Variants in ZNF560 observed in about 807,000 individuals in gnomAD.
ZNF560 encodes the protein zinc finger protein 560.
A neutral mutation model predicts 81.8 loss-of-function variants in ZNF560; 54 were observed. The ratio of observed to expected loss-of-function variants is 0.66; its 90% confidence interval spans 0.53 to 0.83. ZNF560 has a LOEUF of 0.83. Among genes scored for constraint, ZNF560 ranks in the 40% least tolerant of loss-of-function variants. The pLI is 0.00. For synonymous variants in ZNF560, 321 were observed against 317.9 expected (o/e 1.01, Z -0.10); for missense variants, 940 against 932.4 (o/e 1.01, Z -0.11).
the ZNF560 span, among the ~76,000 whole-genome samples, chr19:9,448,090 G>T: frequency 2.0e-5 from 3 of 152,120 alleles, no homozygotes; most frequent in African/African-American, 7.2e-5. Flanking sequence ...CTCAAACCAA[G>T]AATTTCAAAC....
chr19:9,487,468 C>T (rs1334716718), intron 2 of ZNF560, among the ~76,000 whole-genome samples: 1 of 152,160 alleles, frequency 6.6e-6, no homozygotes, highest in Admixed American at 6.5e-5. Context: ...CAGGATCCCT[C>T]CAACACACTC....
At chr19:9,497,141 C>G (rs1419824722) in intron 2 of ZNF560, among the ~76,000 whole-genome samples, 1 of 151,286 alleles carries the variant, frequency 6.6e-6, no homozygotes, top group Non-Finnish European at 1.5e-5. Flanking sequence ...AAAAAAAAAT[C>G]TTGAATAGAG....
chr19:9,500,138 T>A (rs937256909), upstream of ZNF560, among the ~76,000 whole-genome samples: 5 of 151,986 alleles, frequency 3.3e-5, no homozygotes, highest in Non-Finnish European at 7.4e-5. Context: ...AATCCCAACA[T>A]TTTGGGAGGC....
intron 2 of ZNF560, among the ~76,000 whole-genome samples, chr19:9,487,307 G>C (rs1222677426): frequency 6.6e-6 from 1 of 152,162 alleles, no homozygotes; most frequent in Admixed American, 6.5e-5. Flanking sequence ...ATTTCTAAAG[G>C]AATAAGCATT....
chr19:9,460,752 C>T, the ZNF560 span, among the ~76,000 whole-genome samples: 7 of 152,246 alleles, frequency 4.6e-5, no homozygotes, highest in East Asian at 7.7e-4. Flanking sequence ...TGAGGCATAC[C>T]GCCCTCAAAA....
upstream of ZNF560, among the ~76,000 whole-genome samples, chr19:9,500,259 C>A (rs2073621699): frequency 2.0e-5 from 3 of 151,890 alleles, no homozygotes; most frequent in Admixed American, 2.0e-4. Flanking sequence ...GTGGTTGGCA[C>A]CTGTAATCCC....
intron 2 of ZNF560, among the ~76,000 whole-genome samples, chr19:9,488,905 G>A (rs1013062552): frequency 1.1e-4 from 17 of 151,992 alleles, no homozygotes; most frequent in African/African-American, 2.9e-4. Flanking sequence ...CTCATGATCT[G>A]GTCATTTAAA....
the ZNF560 span, among the ~76,000 whole-genome samples, chr19:9,457,642 C>T: frequency 0.53 from 80,015 of 152,034 alleles, 21,384 homozygotes; most frequent in Non-Finnish European, 0.55. Flanking sequence ...GCTCCTGACG[C>T]AATTCAGACT....
chr19:9,471,505 T>G, intron 5 of ZNF560, 127 bp from the exon 6 acceptor site: 1 of 638,940 alleles, frequency 1.6e-6, no homozygotes, highest in Non-Finnish European at 2.3e-6. Flanking sequence ...GAAAGCTAAA[T>G]TGAACATTTA....
intron 2 of ZNF560, among the ~76,000 whole-genome samples, chr19:9,491,181 C>T (rs10420126): frequency 0.15 from 22,890 of 152,044 alleles, 2,589 homozygotes; most frequent in African/African-American, 0.31. Flanking sequence ...GGTGTGATCA[C>T]GGCTCACCAC....
rs945500246 is a variant in ZNF560, at chr19:9,474,248, G to A, written c.108C>T (p.Asn36=). ...TCTCCAGCATCACATCTCTGTATAA[G>A]TTTCTCTGAACTGGGTCCAGTAAAA... ...EWILLDPVQR[N]LYRDVMLENY... Residue 36 remains asparagine (N), a synonymous_variant, in exon 4 of 10, where the codon AAC becomes AAT. Coordinates refer to ENST00000301480, the MANE Select transcript of ZNF560 (RefSeq NM_152476.3). The A allele has an allele frequency of 1.2e-6, 2 of 1,613,982 alleles. No homozygotes were observed. The highest frequency in any genetic ancestry group is 1.3e-5 in the African/African-American group (1 of 74,894).
chr19:9,448,333 G>A, the ZNF560 span, among the ~76,000 whole-genome samples: 260 of 149,382 alleles, frequency 1.7e-3, no homozygotes, highest in Non-Finnish European at 3.0e-3. Flanking sequence ...CTGGGTTCAA[G>A]TGATTCTCCT....
downstream of ZNF560, among the ~76,000 whole-genome samples, chr19:9,465,907 T>G (rs2073007304): frequency 6.6e-6 from 1 of 151,938 alleles, no homozygotes; most frequent in Non-Finnish European, 1.5e-5. Context: ...GGCAGGAGAA[T>G]CGCTTGAACC....
chr19:9,474,342 A>G lies in ZNF560; in HGVS notation c.31-17T>C, dbSNP rs762709469. ...CACGGAGTACTAAACCATCACATAC[A>G]TGTTGATTTGAGCCAAGTAACAGAT... On this transcript the variant is annotated splice_polypyrimidine_tract_variant and intron_variant, in intron 3 of 9. Transcript: ENST00000301480. 6.9e-6 allele frequency: 11 copies of G among 1,598,736 alleles called. No homozygotes were observed. Among genetic ancestry groups the G allele is most frequent in the Non-Finnish European group, 9.4e-6 (11 of 1,171,478 alleles).
chr19:9,474,117 G>T, intron 4 of ZNF560, 82 bp downstream of exon 4: 1 of 1,533,358 alleles, frequency 6.5e-7, no homozygotes, highest in Non-Finnish European at 9.0e-7. Flanking sequence ...ATTCAGTGTT[G>T]AACAAACCAA....
In ZNF560 at chr19:9,471,399, G is replaced by A. The variant is rs368660771; in HGVS notation, c.239-21C>T. 175 of 1,461,036 alleles carry A rather than the reference G, an allele frequency of 1.2e-4. No individual in the cohort carries two copies. The African/African-American group carries it at 1.7e-3, about 14-fold the overall frequency. 90.5% of individuals were successfully genotyped at this position (1,461,036 alleles called of 1,614,324 possible). A position where few individuals can be genotyped will look rare whatever the true frequency, so the allele number is the denominator to read the frequency against. On this transcript the variant is annotated intron_variant, in intron 5 of 9. Transcript: ENST00000301480. Reference sequence around the variant, plus strand: ...CCAGTCTGAAACAAAAACATAAACTGAGGTTTTTTTTTTTTTTAAAAAAAA... The same window carrying A: ...CCAGTCTGAAACAAAAACATAAACTAAGGTTTTTTTTTTTTTTAAAAAAAA...
Position 9,467,331 on chromosome 19 carries a change from G to A in ZNF560, c.1616C>T (p.Thr539Ile), listed in dbSNP as rs762883962. The A allele has an allele frequency of 2.5e-6, 4 of 1,614,172 alleles. No individual in the cohort carries two copies. Among genetic ancestry groups the A allele is most frequent in the Non-Finnish European group, 3.4e-6 (4 of 1,180,034 alleles). The change falls in exon 10 of 10, where the codon ACA (threonine) becomes ATA (isoleucine). Residue 539 changes from threonine (T) to isoleucine (I), a missense_variant. Physicochemically the swap from Thr to Ile is moderately conservative, Grantham distance 89. Coordinates refer to ENST00000301480, the MANE Select transcript of ZNF560 (RefSeq NM_152476.3). ...CTTACATTGATAGAGTCTCTCTTCTGTGTGAGTTCGCATGTGAATACGAAG... is the reference window on the plus strand; with the variant it reads ...CTTACATTGATAGAGTCTCTCTTCTATGTGAGTTCGCATGTGAATACGAAG... ...ACLRIHMRTH[T>I]EERLYQCKKC...
chr19:9,470,742 A>T (rs750873391), intron 6 of ZNF560, among the ~76,000 whole-genome samples: 2 of 152,190 alleles, frequency 1.3e-5, no homozygotes, highest in Non-Finnish European at 2.9e-5. Flanking sequence ...AAACTTATCA[A>T]CCACAACTAG....
At position 9,468,191 on chromosome 19, in the gene ZNF560, AAGG is replaced by A. The variant is rs758507379; in HGVS notation, c.753_755del (p.Leu252del). ...TGGTAGAGGTTTTATTGTATAGAGA[AAGG>A]AGGTCTTTTGCATACTGAATACATT... On this transcript the variant is annotated inframe_deletion, in exon 10 of 10. Coordinates refer to ENST00000301480, the MANE Select transcript of ZNF560 (RefSeq NM_152476.3). The A allele has an allele frequency of 6.2e-7, 1 of 1,614,174 alleles. No homozygotes were observed. The highest frequency in any genetic ancestry group is 8.5e-7 in the Non-Finnish European group (1 of 1,180,012).
Sources: gnomAD v4.1 joint callset for allele counts (sites outside exome capture counted in the v4.1 genomes callset) on GRCh38, gnomAD v4.1.1 for gene constraint, MANE v1.5 for transcripts, NCBI Gene and HGNC (gene_info 2026-07-23, HGNC 2026-07-21) for gene names.